The following TIAM1 variants were observed in gnomAD, a reference collection of about 807,000 sequenced individuals.
TIAM1 encodes the protein TIAM Rac1 associated GEF 1, also known as rho guanine nucleotide exchange factor TIAM1.
TIAM1 carries 65 observed loss-of-function variants against 163.5 expected under a neutral mutation model. The observed-to-expected ratio is 0.40, with a 90% CI of 0.33 to 0.49. The LOEUF is 0.49. Among genes scored for constraint, TIAM1 ranks in the 20% least tolerant of loss-of-function variants. The pLI is 0.77. For missense variants in TIAM1, 1,789 were observed against 2,044.7 expected, an observed-to-expected ratio of 0.87 and a Z score of 2.41; for synonymous variants, 833 against 810.1, an observed-to-expected ratio of 1.03 and a Z score of -0.48.
Position 31,165,026 on chromosome 21 carries a change from G to C in TIAM1, c.2927C>G (p.Thr976Ser), listed in dbSNP as rs2084138024. 1.2e-6 allele frequency: 2 copies of C among 1,614,008 alleles called. No individual in the cohort carries two copies. Among genetic ancestry groups the C allele is most frequent in the Admixed American group, 1.7e-5 (1 of 59,998 alleles). Residue 976 changes from threonine to serine, a missense_variant, in exon 16 of 28, where the codon ACC becomes AGC. By Grantham distance (58) the Thr-to-Ser change is moderately conservative. This residue lies in a region of TIAM1 where 303 missense variants were observed against 321.3 expected (regional missense o/e 0.94). Transcript: ENST00000541036. ...TGGCCCCTCGGTCTCCTCTGGAGCG[G>C]TCTCAGCACTGCTGCCCTGCTCGCT... ...LCSEQGSSAE[T>S]APEETEGPDL...
chr21:31,275,846 A>G (rs146434927), intron 3 of TIAM1, among the ~76,000 whole-genome samples: 149 of 152,338 alleles, frequency 9.8e-4, no homozygotes, highest in Non-Finnish European at 1.8e-3. Context: ...GTTGGGAAGG[A>G]CATTGTGAAA....
chr21:31,250,151 G>GAAAAAAAAAA (rs755928120), intron 5 of TIAM1, among the ~76,000 whole-genome samples: 3 of 58,840 alleles, frequency 5.1e-5, no homozygotes, highest in African/African-American at 1.1e-4. Flanking sequence ...GTCTCAAACA[G>GAAAAAAAAAA]AAAAAAAAAA....
intron 15 of TIAM1, among the ~76,000 whole-genome samples, chr21:31,181,861 T>C (rs1416539906): frequency 7.6e-6 from 1 of 130,966 alleles, no homozygotes; most frequent in Non-Finnish European, 1.6e-5. Flanking sequence ...CACAGCTTAC[T>C]GCAGCCTCAA....
chr21:31,192,412 G>A (rs1189363907), intron 13 of TIAM1, among the ~76,000 whole-genome samples: 1 of 152,148 alleles, frequency 6.6e-6, no homozygotes, highest in Admixed American at 6.5e-5. Context: ...GAGGTCAGGA[G>A]TTCAAGACCA....
intron 23 of TIAM1, among the ~76,000 whole-genome samples, chr21:31,135,049 C>T (rs1286168786): frequency 6.6e-6 from 1 of 152,100 alleles, no homozygotes; most frequent in South Asian, 2.1e-4. Context: ...CCGTTCCCAG[C>T]AAGCCCACAA....
intron 11 of TIAM1, among the ~76,000 whole-genome samples, chr21:31,209,745 C>G (rs1460220722): frequency 6.6e-6 from 1 of 152,168 alleles, no homozygotes; most frequent in Non-Finnish European, 1.5e-5. Flanking sequence ...CTGTTGTGTT[C>G]TTCACCTAGA....
intron 2 of TIAM1, among the ~76,000 whole-genome samples, chr21:31,386,040 T>C (rs1263039770): frequency 6.6e-6 from 1 of 151,722 alleles, no homozygotes; most frequent in Non-Finnish European, 1.5e-5. Flanking sequence ...AATTAAACTC[T>C]AAGAGAATTA....
intron 2 of TIAM1, among the ~76,000 whole-genome samples, chr21:31,451,709 ATGTGTGTGCGTGTGTGTGTGTGTGTG>A (rs1330365847): frequency 2.4e-5 from 1 of 41,590 alleles, no homozygotes; most frequent in Admixed American, 1.6e-4. Flanking sequence ...GAGTGAAAGC[ATGTGTGTGCGTGTGTGTGTGTGTGTG>A]TGTGTGTGTG....
At chr21:31,157,506 T>C (rs1014156403) in intron 16 of TIAM1, among the ~76,000 whole-genome samples, 2 of 152,172 alleles carry the variant, frequency 1.3e-5, no homozygotes, top group Non-Finnish European at 2.9e-5. Context: ...ATTCACTCAT[T>C]TTCCAACCCA....
chr21:31,299,966 CCTGA>C (rs2074438753), intron 2 of TIAM1, among the ~76,000 whole-genome samples: 1 of 152,172 alleles, frequency 6.6e-6, no homozygotes, highest in Non-Finnish European at 1.5e-5. Context: ...TCTCCAGTCT[CCTGA>C]GCTGACAGAG....
chr21:31,410,044 A>G (rs1254703700), intron 2 of TIAM1, among the ~76,000 whole-genome samples: 1 of 152,128 alleles, frequency 6.6e-6, no homozygotes, highest in African/African-American at 2.4e-5. Context: ...AACTGACTGA[A>G]GCAGTTATTA....
chr21:31,526,128 T>C (rs1205824852), intron 1 of TIAM1, among the ~76,000 whole-genome samples: 1 of 151,950 alleles, frequency 6.6e-6, no homozygotes, highest in African/African-American at 2.4e-5. Flanking sequence ...CTCACCACCA[T>C]GCTGTGTGTT....
intron 8 of TIAM1, among the ~76,000 whole-genome samples, chr21:31,217,955 T>C (rs1251540487): frequency 6.6e-6 from 1 of 152,040 alleles, no homozygotes; most frequent in African/African-American, 2.4e-5. Flanking sequence ...ATACATAATA[T>C]AGGAATAAAA....
intron 2 of TIAM1, among the ~76,000 whole-genome samples, chr21:31,432,091 CTTTTTTTTT>C (rs11291911): frequency 1.3e-4 from 12 of 93,664 alleles, no homozygotes; most frequent in South Asian, 6.6e-4. Context: ...TCTAAGATTC[CTTTTTTTTT>C]TTTTTTTTTT....
chr21:31,210,877 C>A (rs2833337), intron 10 of TIAM1, among the ~76,000 whole-genome samples: 13,520 of 151,668 alleles, frequency 0.089, 1,912 homozygotes, highest in African/African-American at 0.3. Flanking sequence ...AAGTTTCAAG[C>A]AGGGAATTCC....
intron 1 of TIAM1, among the ~76,000 whole-genome samples, chr21:31,465,008 T>TA (rs1022803045): frequency 2.0e-5 from 3 of 151,662 alleles, no homozygotes; most frequent in Non-Finnish European, 4.4e-5. Context: ...AGACTCTGCC[T>TA]AAAAAAATAA....
At chr21:31,144,619 G>A (rs2083017945) in intron 20 of TIAM1, among the ~76,000 whole-genome samples, 2 of 152,062 alleles carry the variant, frequency 1.3e-5, no homozygotes, top group South Asian at 2.1e-4. Flanking sequence ...CCTGAGGTCA[G>A]GAGTTCAAGA....
intron 1 of TIAM1, among the ~76,000 whole-genome samples, chr21:31,489,520 AAGGGAGGGAGGG>A (rs560144126): frequency 3.8e-5 from 4 of 105,826 alleles, no homozygotes; most frequent in Non-Finnish European, 5.7e-5. Context: ...GGAGGGAAGG[AAGGGAGGGAGGG>A]AGGGAGGGAG....
chr21:31,358,321 G>A (rs1438276348), intron 2 of TIAM1, among the ~76,000 whole-genome samples: 2 of 152,110 alleles, frequency 1.3e-5, no homozygotes, highest in Non-Finnish European at 2.9e-5. Flanking sequence ...TCTTTCTTTT[G>A]CAGTTCATCT....
Sources: gnomAD v4.1 joint callset for allele counts (sites outside exome capture counted in the v4.1 genomes callset) on GRCh38, gnomAD v4.1.1 for gene constraint, gnomAD v4.1.1 regional missense constraint, MANE v1.5 for transcripts, NCBI Gene and HGNC (gene_info 2026-07-23, HGNC 2026-07-21) for gene names.